Variants in TTC29 observed in about 807,000 individuals in gnomAD.
TTC29 encodes the protein tetratricopeptide repeat domain 29.
In TTC29, 49 loss-of-function variants were observed where a neutral mutation model predicts 58.1. That is an observed-to-expected ratio of 0.84 (90% CI 0.67 to 1.07). The LOEUF is 1.07. Ranked by LOEUF, TTC29 falls within the 50% of genes least tolerant of loss-of-function variation. The pLI, the probability that TTC29 is intolerant of heterozygous loss-of-function variation, is 0.00. For synonymous variants in TTC29, 209 were observed against 196.8 expected (o/e 1.06, Z -0.52); for missense variants, 582 against 555.6 (o/e 1.05, Z -0.48).
chr4:146,814,689 G>T (rs1751271344), intron 10 of TTC29, among the ~76,000 whole-genome samples: 1 of 128,014 alleles, frequency 7.8e-6, no homozygotes, highest in African/African-American at 3.0e-5. Flanking sequence ...TTGTGCCACT[G>T]CACTCCAGCC....
intron 10 of TTC29, among the ~76,000 whole-genome samples, chr4:146,814,718 C>T (rs1180666318): frequency 8.2e-6 from 1 of 122,586 alleles, no homozygotes; most frequent in Non-Finnish European, 1.6e-5. Flanking sequence ...GAGCGAGACT[C>T]CATCTCAAAA....
intron 11 of TTC29, among the ~76,000 whole-genome samples, chr4:146,758,153 A>T (rs1455140565): frequency 6.6e-6 from 1 of 152,198 alleles, no homozygotes; most frequent in Non-Finnish European, 1.5e-5. Flanking sequence ...AAGGCATTTC[A>T]TGCAAATGGA....
At chr4:146,800,712 A>C (rs573076958) in intron 11 of TTC29, among the ~76,000 whole-genome samples, 2 of 152,322 alleles carry the variant, frequency 1.3e-5, no homozygotes, top group South Asian at 4.1e-4. Context: ...TGATTAGGGC[A>C]TACATACTCA....
chr4:146,858,295 G>T (rs1730001077), intron 8 of TTC29, among the ~76,000 whole-genome samples: 1 of 152,154 alleles, frequency 6.6e-6, no homozygotes, highest in African/African-American at 2.4e-5. Context: ...ATGTCTTCCA[G>T]CTCCAAGGCT....
At position 146,764,395 on chromosome 4, in the gene TTC29, G is replaced by A. The variant is rs79910564; in HGVS notation, c.1330+39062C>T. 4.2e-3 allele frequency among the ~76,000 whole-genome samples: 640 copies of A among 152,104 alleles called. 3 individuals are homozygous for A. Among genetic ancestry groups the A allele is most frequent in the African/African-American group, 0.015 (603 of 41,494 alleles). On this transcript the variant is annotated intron_variant, in intron 11 of 12. Coordinates refer to ENST00000325106, the MANE Select transcript of TTC29 (RefSeq NM_031956.4). Reference sequence around the variant, plus strand: ...TAACCCCTCTCATTGTGGCGGTGGGGAGGAGGAGAGAGGAGGGCAGATAGT... The same window carrying A: ...TAACCCCTCTCATTGTGGCGGTGGGAAGGAGGAGAGAGGAGGGCAGATAGT...
chr4:146,877,355 A>G (rs1448063432), intron 6 of TTC29, among the ~76,000 whole-genome samples: 1 of 152,178 alleles, frequency 6.6e-6, no homozygotes, highest in Non-Finnish European at 1.5e-5. Context: ...ATCAGGATAT[A>G]CAATGAAAGT....
intron 11 of TTC29, among the ~76,000 whole-genome samples, chr4:146,770,147 A>G (rs1032303013): frequency 1.3e-5 from 2 of 151,962 alleles, no homozygotes; most frequent in Non-Finnish European, 2.9e-5. Flanking sequence ...ATGACACTCA[A>G]TTAATGCCTA....
At chr4:146,876,507 A>T (rs569139946) in intron 6 of TTC29, among the ~76,000 whole-genome samples, 7 of 152,198 alleles carry the variant, frequency 4.6e-5, no homozygotes, top group Non-Finnish European at 1.0e-4. Context: ...TGACTATTGC[A>T]TATAATTTCT....
intron 11 of TTC29, among the ~76,000 whole-genome samples, chr4:146,740,416 TA>T (rs1480889749): frequency 1.3e-5 from 2 of 152,060 alleles, no homozygotes; most frequent in Admixed American, 1.3e-4. Flanking sequence ...GGGTTGAAAA[TA>T]ATCTTTTTTT....
intron 11 of TTC29, among the ~76,000 whole-genome samples, chr4:146,775,294 G>C (rs1166029117): frequency 6.6e-6 from 1 of 152,050 alleles, no homozygotes; most frequent in Non-Finnish European, 1.5e-5. Context: ...TGATCATTTT[G>C]TTGGCCGGTT....
chr4:146,791,635 A>G (rs75725730), intron 11 of TTC29, among the ~76,000 whole-genome samples: 24 of 152,226 alleles, frequency 1.6e-4, no homozygotes, highest in Non-Finnish European at 2.5e-4. Flanking sequence ...GAGGCATTGC[A>G]TAACTCTCAC....
chr4:146,931,521 T>C (rs1442450307), intron 4 of TTC29, among the ~76,000 whole-genome samples: 2 of 152,232 alleles, frequency 1.3e-5, no homozygotes, highest in Non-Finnish European at 2.9e-5. Context: ...TCCAAATAGT[T>C]GTGGAAAGCA....
chr4:146,738,459 G>A (rs1744882508), intron 11 of TTC29, among the ~76,000 whole-genome samples: 1 of 152,134 alleles, frequency 6.6e-6, no homozygotes. Context: ...CAGCCTGAGA[G>A]ACATCCATAT....
intron 6 of TTC29, among the ~76,000 whole-genome samples, chr4:146,882,831 G>A (rs1731724246): frequency 2.6e-5 from 4 of 151,876 alleles, no homozygotes; most frequent in African/African-American, 4.8e-5. Context: ...TGGATATTAC[G>A]ACAAAACCCA....
At chr4:146,836,879 C>T (rs949254692) in intron 8 of TTC29, among the ~76,000 whole-genome samples, 2 of 152,020 alleles carry the variant, frequency 1.3e-5, no homozygotes, top group African/African-American at 2.4e-5. Context: ...AAAGAGAATG[C>T]TTATACACTG....
chr4:146,901,414 T>C (rs1388855600), intron 6 of TTC29, among the ~76,000 whole-genome samples: 2 of 152,222 alleles, frequency 1.3e-5, no homozygotes. Flanking sequence ...ATTTAAGGTA[T>C]CAGGAGCATT....
At chr4:146,761,737 A>G (rs1023923723) in intron 11 of TTC29, among the ~76,000 whole-genome samples, 8 of 131,038 alleles carry the variant, frequency 6.1e-5, no homozygotes, top group African/African-American at 2.3e-4. Flanking sequence ...AGTATGGTGT[A>G]GTATACATAA....
At chr4:146,937,357 C>T (rs1353817018) in intron 4 of TTC29, among the ~76,000 whole-genome samples, 1 of 151,744 alleles carries the variant, frequency 6.6e-6, no homozygotes, top group Non-Finnish European at 1.5e-5. Flanking sequence ...CTAAATATTG[C>T]AAATGTGATA....
chr4:146,854,519 GC>G (rs1561190933), intron 8 of TTC29, among the ~76,000 whole-genome samples: 1 of 152,078 alleles, frequency 6.6e-6, no homozygotes, highest in African/African-American at 2.4e-5. Context: ...GTCTGTGTGT[GC>G]CCCCTCAATT....
Sources: allele counts gnomAD v4.1 joint callset (sites outside exome capture counted in the v4.1 genomes callset), GRCh38; gene constraint gnomAD v4.1.1; transcripts MANE v1.5; gene names NCBI Gene and HGNC (gene_info 2026-07-23, HGNC 2026-07-21).